Variants in CLHC1 observed in about 807,000 individuals in gnomAD.
CLHC1 encodes clathrin heavy chain linker domain containing 1.
In CLHC1, 72 loss-of-function variants were observed where a neutral mutation model predicts 69.5. The observed-to-expected ratio is 1.04, with a 90% CI of 0.86 to 1.26. The LOEUF is 1.26. Among genes scored for constraint, CLHC1 ranks in the 50% most tolerant of loss-of-function variants. The probability of loss-of-function intolerance (pLI) is 0.00; values close to 1 mark genes in which losing one functional copy is unlikely to be tolerated. For synonymous variants in CLHC1, 223 were observed against 224.3 expected (o/e 0.99, Z 0.05); for missense variants, 790 against 679.3 (o/e 1.16, Z -1.81).
intron 12 of CLHC1, among the ~76,000 whole-genome samples, chr2:55,176,218 A>C (rs568519401): frequency 6.6e-6 from 1 of 152,092 alleles, no homozygotes; most frequent in South Asian, 2.1e-4. Flanking sequence ...TCTCAATTCA[A>C]CCCTCTACCA....
intron 11 of CLHC1, 73 bp from the exon 12 acceptor site, chr2:55,177,854 A>G: frequency 9.1e-7 from 1 of 1,103,456 alleles, no homozygotes; most frequent in East Asian, 2.4e-5. Context: ...GGACTAGCTA[A>G]TGTCTATACC....
rs1672771028 is a variant in CLHC1 at position 55,209,473 on chromosome 2, C to T, written c.745G>A (p.Val249Ile). 1 of 1,612,282 alleles carries T rather than the reference C, an allele frequency of 6.2e-7. No homozygotes were observed. The highest frequency in any genetic ancestry group is 8.5e-7 in the Non-Finnish European group (1 of 1,179,500). ...AATGGGCTGCTCATATCAGATTTTA[C>T]CCATGAACTAAGTGCCTGTGAAATT... ...QIISQALSSW[V>I]KSDMSSPFQD... Residue 249 changes from valine (V) to isoleucine (I), a missense_variant, in exon 7 of 13, where the codon GTA (valine) becomes ATA (isoleucine). Coordinates refer to ENST00000401408, the MANE Select transcript of CLHC1 (RefSeq NM_152385.4).
At chr2:55,231,356 TA>T (rs1256620289) in intron 1 of CLHC1, among the ~76,000 whole-genome samples, 7 of 152,056 alleles carry the variant, frequency 4.6e-5, no homozygotes, top group African/African-American at 1.7e-4. Context: ...CTTCATTTAC[TA>T]AAATGTAGAG....
Position 55,174,961 on chromosome 2 carries a change from G to C in CLHC1, c.*829C>G, listed in dbSNP as rs1669256483. ...CATGGTCAAGGATGACATTTAGCTA[G>C]TAAGCTCTGGTGTGGCATAAGGGCT... On this transcript the variant is annotated 3_prime_UTR_variant, in exon 13 of 13. Coordinates refer to ENST00000401408, the MANE Select transcript of CLHC1 (RefSeq NM_152385.4). 6.6e-6 allele frequency: 1 copy of C among 152,048 alleles called. No homozygotes were observed. The highest frequency in any genetic ancestry group is 6.6e-5 in the Admixed American group (1 of 15,248). 9.4% of individuals were successfully genotyped at this position (152,048 alleles called of 1,614,324 possible).
In CLHC1 at chr2:55,174,748, A is replaced by C. The variant is rs1669236099; in HGVS notation, c.*1042T>G. The C allele has an allele frequency of 6.6e-6, 1 of 152,212 alleles. No homozygotes were observed. The highest frequency in any genetic ancestry group is 2.1e-4 in the South Asian group (1 of 4,830). 9.4% of individuals were successfully genotyped at this position (152,212 alleles called of 1,614,324 possible). ...TGCTCTTTGCTCTTATTCTAATAGCAGATCATTTTCATTTTTTACTTGAAA... is the reference window on the plus strand; with the variant it reads ...TGCTCTTTGCTCTTATTCTAATAGCCGATCATTTTCATTTTTTACTTGAAA... On this transcript the variant is annotated 3_prime_UTR_variant, in exon 13 of 13. Transcript: ENST00000401408.
At position 55,175,603 on chromosome 2, in the gene CLHC1, G is replaced by A. The variant is rs1053088180; in HGVS notation, c.*187C>T. 9.5e-6 allele frequency: 5 copies of A among 526,918 alleles called. No homozygotes were observed. The South Asian group carries it at 1.6e-4, about 17-fold the overall frequency. The allele number at this position is 526,918 out of a possible 1,614,324, so 32.6% of individuals were successfully genotyped here. A position where few individuals can be genotyped will look rare whatever the true frequency, so the allele number is the denominator to read the frequency against. ...TTCAATATAAGAAATGACCATATGG[G>A]GAAAAGGAAGCAATAGTATAAATAT... On this transcript the variant is annotated 3_prime_UTR_variant, in exon 13 of 13. Transcript: ENST00000401408.
intron 4 of CLHC1, among the ~76,000 whole-genome samples, chr2:55,217,209 C>T (rs903636688): frequency 6.7e-6 from 1 of 150,052 alleles, no homozygotes; most frequent in Non-Finnish European, 1.5e-5. Flanking sequence ...AACAAAAAGA[C>T]TATAACTGCC....
intron 2 of CLHC1, chr2:55,225,525 T>G (rs906678091): frequency 6.6e-6 from 1 of 152,226 alleles, no homozygotes; most frequent in Non-Finnish European, 1.5e-5. Context: ...GAGTGCTGGC[T>G]TACAGCCTCT....
intron 4 of CLHC1, among the ~76,000 whole-genome samples, chr2:55,216,513 G>A (rs1436951001): frequency 6.6e-6 from 1 of 151,846 alleles, no homozygotes; most frequent in East Asian, 1.9e-4. Flanking sequence ...GCAATTACCT[G>A]CATCCCTTAT....
Position 55,174,657 on chromosome 2 carries a change from G to A in CLHC1, c.*1133C>T, listed in dbSNP as rs575447483. 2.2e-4 allele frequency: 34 copies of A among 152,188 alleles called. No individual in the cohort carries two copies. Among genetic ancestry groups the A allele is most frequent in the African/African-American group, 7.9e-4 (33 of 41,534 alleles). 9.4% of individuals were successfully genotyped at this position (152,188 alleles called of 1,614,324 possible). Reference sequence around the variant, plus strand: ...TTAATATGAAGCTGTCTGACTCCCCGTTCATCTTCTTTCCACTATAACATA... The same window carrying A: ...TTAATATGAAGCTGTCTGACTCCCCATTCATCTTCTTTCCACTATAACATA... On this transcript the variant is annotated 3_prime_UTR_variant, in exon 13 of 13. Transcript: ENST00000401408.
intron 4 of CLHC1, among the ~76,000 whole-genome samples, chr2:55,215,478 T>C (rs977373090): frequency 2.0e-5 from 3 of 152,226 alleles, no homozygotes; most frequent in Admixed American, 1.3e-4. Flanking sequence ...AATTTTAGTA[T>C]AGTTGTGCAA....
chr2:55,209,466 G>C lies in CLHC1; in HGVS notation c.752C>G (p.Ser251Cys). 6.2e-7 allele frequency: 1 copy of C among 1,612,450 alleles called. No individual in the cohort carries two copies. Residue 251 changes from serine to cysteine, a missense_variant, in exon 7 of 13, where the codon TCT (serine) becomes TGT (cysteine). Coordinates refer to ENST00000401408, the MANE Select transcript of CLHC1 (RefSeq NM_152385.4). ...GTCTTGAAATGGGCTGCTCATATCA[G>C]ATTTTACCCATGAACTAAGTGCCTG... ...ISQALSSWVKSDMSSPFQDFV... is the reference protein window; with the variant it reads ...ISQALSSWVKCDMSSPFQDFV...
At chr2:55,181,533 A>C (rs745837589) in intron 10 of CLHC1, 37 bp downstream of exon 10, 1 of 1,477,232 alleles carries the variant, frequency 6.8e-7, no homozygotes, top group South Asian at 1.2e-5. Context: ...TTATTAACGA[A>C]ATGTCAAAAT....
intron 9 of CLHC1, among the ~76,000 whole-genome samples, chr2:55,185,679 C>T (rs1419229038): frequency 6.6e-6 from 1 of 152,188 alleles, no homozygotes; most frequent in Non-Finnish European, 1.5e-5. Flanking sequence ...GCTGGCTCCA[C>T]ACTTGTCTGC....
chr2:55,199,688 A>G (rs1005405452), intron 9 of CLHC1, among the ~76,000 whole-genome samples: 1 of 152,184 alleles, frequency 6.6e-6, no homozygotes, highest in Non-Finnish European at 1.5e-5. Flanking sequence ...AATGGGTTAT[A>G]AGATATTATT....
intron 9 of CLHC1, among the ~76,000 whole-genome samples, chr2:55,189,383 A>C (rs902574520): frequency 6.6e-6 from 1 of 152,248 alleles, no homozygotes; most frequent in Admixed American, 6.5e-5. Context: ...TAGCAAATGA[A>C]CTAAACTCTT....
At chr2:55,205,255 C>T (rs1284238853) in intron 9 of CLHC1, among the ~76,000 whole-genome samples, 3 of 152,042 alleles carry the variant, frequency 2.0e-5, no homozygotes, top group South Asian at 2.1e-4. Flanking sequence ...CCAGCAATCC[C>T]GCTACTGGGT....
intron 4 of CLHC1, among the ~76,000 whole-genome samples, chr2:55,217,448 A>C (rs1049028383): frequency 7.2e-6 from 1 of 139,076 alleles, no homozygotes; most frequent in African/African-American, 2.7e-5. Context: ...GCTTGAGACC[A>C]GGAGGCAGAG....
chr2:55,228,654 G>C (rs1037202495), intron 1 of CLHC1, among the ~76,000 whole-genome samples: 2 of 152,170 alleles, frequency 1.3e-5, no homozygotes, highest in Admixed American at 1.3e-4. Flanking sequence ...CCTACGGAAG[G>C]GGGCAAGGAA....
Sources: allele counts gnomAD v4.1 joint callset (sites outside exome capture counted in the v4.1 genomes callset), GRCh38; gene constraint gnomAD v4.1.1; transcripts MANE v1.5; gene names NCBI Gene and HGNC (gene_info 2026-07-23, HGNC 2026-07-21).